PARD3: variants seen among roughly 807,000 people sequenced by gnomAD.
PARD3 encodes the protein partitioning defective 3 homolog.
In PARD3, 75 loss-of-function variants were observed where a neutral mutation model predicts 155.4. The observed-to-expected ratio is 0.48, with a 90% CI of 0.40 to 0.58. PARD3 has a LOEUF of 0.58. Among genes scored for constraint, PARD3 ranks in the 20% least tolerant of loss-of-function variants. PARD3 has a pLI of 0.00. For synonymous variants in PARD3, 576 were observed against 610.5 expected (o/e 0.94, Z 0.83); for missense variants, 1,642 against 1,721.7 (o/e 0.95, Z 0.82).
In PARD3 at chr10:34,341,657, G is replaced by A; in HGVS notation, c.2378C>T (p.Ala793Val). The part of the protein sequence containing the change: ...GFVTADAGTW[A>V]KAAISDSADC... Reference sequence around the variant, plus strand: ...GGCTGAATCACTGATTGCAGCCTTGGCCCAAGTACCAGCATCTGCCGTCAC... The same window carrying A: ...GGCTGAATCACTGATTGCAGCCTTGACCCAAGTACCAGCATCTGCCGTCAC... Residue 793 changes from alanine (A) to valine (V), a missense_variant, in exon 16 of 25, where the codon GCC becomes GTC. By Grantham distance (64) the Ala-to-Val change is moderately conservative. This residue lies in a region of PARD3 where 1,529 missense variants were observed against 1,587.3 expected (regional missense o/e 0.96). Coordinates refer to ENST00000374788, the MANE Select transcript of PARD3 (RefSeq NM_001184785.2). 1 of 1,613,464 alleles carries A rather than the reference G, an allele frequency of 6.2e-7. No individual in the cohort carries two copies. The highest frequency in any genetic ancestry group is 1.1e-5 in the South Asian group (1 of 90,998).
chr10:34,131,615 C>G (rs368020980), intron 22 of PARD3, 32 bp from the exon 23 acceptor site: 91 of 1,603,878 alleles, frequency 5.7e-5, no homozygotes, highest in Non-Finnish European at 7.2e-5. Context: ...AGTGAATACC[C>G]TTCAGAAATA....
intron 1 of PARD3, among the ~76,000 whole-genome samples, chr10:34,720,689 T>C (rs887721295): frequency 2.8e-4 from 42 of 151,698 alleles, no homozygotes; most frequent in Non-Finnish European, 5.3e-4. Context: ...CCCAGCTACT[T>C]GGGAGGCTGA....
rs16935447 is a variant in PARD3, at chr10:34,487,449, T to C, written c.404-17186A>G. ...TCCATCTTGAGATACAGGACTTCCA[T>C]CTATCTCTGTCCTTTTCACATTGAT... On this transcript the variant is annotated intron_variant, in intron 3 of 24. Transcript: ENST00000374788. Among the ~76,000 whole-genome samples the C allele has an allele frequency of 8.9e-3, 1,347 of 152,174 alleles. 9 individuals are homozygous for C. Among genetic ancestry groups the C allele is most frequent in the South Asian group, 0.034 (165 of 4,812 alleles).
chr10:34,466,573 C>T (rs1435721171), intron 4 of PARD3, among the ~76,000 whole-genome samples: 1 of 152,144 alleles, frequency 6.6e-6, no homozygotes, highest in African/African-American at 2.4e-5. Context: ...ATTTTAACCA[C>T]TAGAGATCAC....
intron 22 of PARD3, among the ~76,000 whole-genome samples, chr10:34,191,010 AAACTT>A (rs1950683325): frequency 6.6e-6 from 1 of 152,074 alleles, no homozygotes; most frequent in African/African-American, 2.4e-5. Context: ...AGACAGGAAA[AAACTT>A]AACAAGGGAG....
rs1407746244 is a variant in PARD3, at chr10:34,111,928, TCCATGGTAGGAATAATTGCTCGCTTTAG to T, written c.3669-394_3669-367del. ...TAGAAGTATTAGAGGTTTGGCAGCT[TCCATGGTAGGAATAATTGCTCGCTTTAG>T]AACATTACAATTCAATTCTAAACAA... On this transcript the variant is annotated intron_variant, in intron 24 of 24. Coordinates refer to ENST00000374788, the MANE Select transcript of PARD3 (RefSeq NM_001184785.2). Among the ~76,000 whole-genome samples, 3 of 152,206 alleles carry T rather than the reference TCCATGGTAGGAATAATTGCTCGCTTTAG, an allele frequency of 2.0e-5. No homozygotes were observed. In the East Asian group the frequency reaches 5.8e-4, roughly 29 times the overall value.
intron 12 of PARD3, among the ~76,000 whole-genome samples, chr10:34,371,021 C>T (rs1840545449): frequency 6.6e-6 from 1 of 152,062 alleles, no homozygotes; most frequent in Non-Finnish European, 1.5e-5. Context: ...CATACCTATG[C>T]ACATCATGTC....
intron 18 of PARD3, among the ~76,000 whole-genome samples, chr10:34,333,413 T>C (rs980569579): frequency 2.0e-5 from 3 of 152,002 alleles, no homozygotes; most frequent in Non-Finnish European, 4.4e-5. Context: ...AAACGATAAT[T>C]TTGTAAGTGC....
intron 7 of PARD3, among the ~76,000 whole-genome samples, chr10:34,385,913 T>G (rs1842301990): frequency 6.6e-6 from 1 of 152,194 alleles, no homozygotes; most frequent in Non-Finnish European, 1.5e-5. Flanking sequence ...GGCAAACAAG[T>G]CTATTTCTAT....
chr10:34,320,127 G>C (rs1039960455), intron 19 of PARD3, among the ~76,000 whole-genome samples: 3 of 152,120 alleles, frequency 2.0e-5, no homozygotes. Flanking sequence ...CTGCATAAAT[G>C]AAAGACTTTT....
intron 1 of PARD3, among the ~76,000 whole-genome samples, chr10:34,803,681 T>C (rs1490989090): frequency 6.6e-6 from 1 of 152,018 alleles, no homozygotes; most frequent in Non-Finnish European, 1.5e-5. Flanking sequence ...CTGGAACCTA[T>C]AATCCCAGCT....
chr10:34,441,028 A>G (rs952402482), intron 5 of PARD3, among the ~76,000 whole-genome samples: 6 of 152,198 alleles, frequency 3.9e-5, no homozygotes, highest in Admixed American at 3.3e-4. Context: ...AGAACCAGAG[A>G]TGATTTTAAA....
chr10:34,767,789 C>T (rs376431687), intron 1 of PARD3, among the ~76,000 whole-genome samples: 7 of 151,592 alleles, frequency 4.6e-5, no homozygotes, highest in African/African-American at 1.2e-4. Flanking sequence ...TTAGTACAGA[C>T]GGTAAAATAC....
chr10:34,362,550 G>A (rs1589307168), intron 12 of PARD3, among the ~76,000 whole-genome samples: 1 of 152,044 alleles, frequency 6.6e-6, no homozygotes, highest in South Asian at 2.1e-4. Flanking sequence ...GGTGGAATGC[G>A]GTGGTACAAT....
At chr10:34,407,701 C>T (rs897416163) in intron 5 of PARD3, among the ~76,000 whole-genome samples, 6 of 152,054 alleles carry the variant, frequency 3.9e-5, no homozygotes, top group East Asian at 1.9e-4. Context: ...GGCATGGTGG[C>T]GTGCGCCTGT....
At chr10:34,621,079 AG>A (rs2091640278) in intron 2 of PARD3, among the ~76,000 whole-genome samples, 1 of 152,254 alleles carries the variant, frequency 6.6e-6, no homozygotes, top group Admixed American at 6.5e-5. Flanking sequence ...CTTTGAACAG[AG>A]ATGGCAGGAG....
rs531343280 is a variant in PARD3 at position 34,701,134 on chromosome 10, G to A, written c.121-4715C>T. 2.3e-3 allele frequency among the ~76,000 whole-genome samples: 349 copies of A among 152,278 alleles called. 3 individuals are homozygous for A. The highest frequency in any genetic ancestry group is 0.01 in the Middle Eastern group (3 of 294). On this transcript the variant is annotated intron_variant, in intron 1 of 24. Coordinates refer to ENST00000374788, the MANE Select transcript of PARD3 (RefSeq NM_001184785.2). ...CTTCATGGGGAGGTTTTAGCAGAAT[G>A]AGCAGACCAGAGGGACAGGGCACAA...
rs1180456227 is a variant in PARD3 at position 34,651,011 on chromosome 10, C to A, written c.222+45307G>T. Among the ~76,000 whole-genome samples, 26 of 44,544 alleles carry A rather than the reference C, an allele frequency of 5.8e-4. 3 individuals carry two copies. The South Asian group carries it at 0.025, about 43-fold the overall frequency. 29.2% of individuals were successfully genotyped at this position (44,544 alleles called of 152,430 possible). Reference sequence around the variant, plus strand: ...GGGCAACAAGAACGAAACTCTGTCTCAAAAAAAAAAAAAAAAAAAAAAAAA... The same window carrying A: ...GGGCAACAAGAACGAAACTCTGTCTAAAAAAAAAAAAAAAAAAAAAAAAAA... On this transcript the variant is annotated intron_variant, in intron 2 of 24. Coordinates refer to ENST00000374788, the MANE Select transcript of PARD3 (RefSeq NM_001184785.2).
At chr10:34,195,455 G>GT (rs1662134553) in intron 22 of PARD3, among the ~76,000 whole-genome samples, 1 of 152,134 alleles carries the variant, frequency 6.6e-6, no homozygotes, top group African/African-American at 2.4e-5. Flanking sequence ...AAAACGAGTA[G>GT]TAACTGACAA....
Sources: allele counts gnomAD v4.1 joint callset (sites outside exome capture counted in the v4.1 genomes callset), GRCh38; gene constraint gnomAD v4.1.1; regional missense constraint gnomAD v4.1.1; transcripts MANE v1.5; gene names NCBI Gene and HGNC (gene_info 2026-07-23, HGNC 2026-07-21).